YY1: variants seen among roughly 807,000 people sequenced by gnomAD.
The protein encoded by YY1 is transcriptional repressor protein YY1.
Under a neutral mutation model 35.6 loss-of-function variants are expected in YY1, and 2 were observed. That is an observed-to-expected ratio of 0.06 (90% CI 0.02 to 0.18). The LOEUF (loss-of-function observed/expected upper bound fraction) is 0.18. Ranked by LOEUF, YY1 falls within the 10% of genes least tolerant of loss-of-function variation. The pLI, the probability that YY1 is intolerant of heterozygous loss-of-function variation, is 1.00. For synonymous variants in YY1, 268 were observed against 238.9 expected (o/e 1.12, Z -1.12); for missense variants, 322 against 573.4 (o/e 0.56, Z 4.48).
intron 1 of YY1, among the ~76,000 whole-genome samples, chr14:100,248,159 A>G (rs1437761522): frequency 7.8e-6 from 1 of 128,448 alleles, no homozygotes; most frequent in Non-Finnish European, 1.5e-5. Context: ...TCTGTCACCC[A>G]GGCTGGAGTG....
rs1028033513 is a variant in YY1, at chr14:100,240,640, C to T, written c.679+717C>T. Among the ~76,000 whole-genome samples the T allele has an allele frequency of 1.1e-4, 17 of 152,354 alleles. No individual in the cohort carries two copies. In the East Asian group the frequency reaches 1.5e-3, roughly 14 times the overall value. On this transcript the variant is annotated intron_variant, in intron 1 of 4. Transcript: ENST00000262238. The stretch of plus-strand genomic sequence containing the variant: ...TGCTGCGGGGCGGGACTTGGGGCTG[C>T]ACGTAGGGCTCGCGTGTGCGGGCTC...
intron 1 of YY1, among the ~76,000 whole-genome samples, chr14:100,253,440 CAG>C (rs1388184615): frequency 2.0e-5 from 3 of 152,154 alleles, no homozygotes; most frequent in African/African-American, 7.2e-5. Context: ...TTTTTTGAGA[CAG>C]AGTCTCGCTC....
intron 2 of YY1, among the ~76,000 whole-genome samples, chr14:100,266,481 C>T (rs1399761764): frequency 6.6e-6 from 1 of 152,118 alleles, no homozygotes; most frequent in Non-Finnish European, 1.5e-5. Context: ...ACTGCTCACC[C>T]TCCTTGGAGC....
At chr14:100,252,079 AATTGT>A (rs1319870126) in intron 1 of YY1, among the ~76,000 whole-genome samples, 1 of 152,144 alleles carries the variant, frequency 6.6e-6, no homozygotes, top group Non-Finnish European at 1.5e-5. Context: ...CAAGAGGGTA[AATTGT>A]ATTGAGTACC....
Position 100,272,212 on chromosome 14 carries a change from CA to C in YY1, c.843-2485del, listed in dbSNP as rs36006862. On this transcript the variant is annotated intron_variant, in intron 2 of 4. Transcript: ENST00000262238. ...TCAGGAGGCTGAGACAGGAGAATGG[CA>C]TGAACCTGGGAGGCGGAGCTTGCAG... is the stretch of plus-strand genomic sequence containing the variant. Among the ~76,000 whole-genome samples, 10 of 151,340 alleles carry C rather than the reference CA, an allele frequency of 6.6e-5. No individual in the cohort carries two copies. The East Asian group carries it at 1.6e-3, about 24-fold the overall frequency.
At chr14:100,247,381 T>A (rs892480503) in intron 1 of YY1, among the ~76,000 whole-genome samples, 1 of 151,890 alleles carries the variant, frequency 6.6e-6, no homozygotes, top group Non-Finnish European at 1.5e-5. Flanking sequence ...TTTTCTTTTT[T>A]TCTTTTTTTT....
In YY1 at chr14:100,239,449, G is replaced by GGCCACCACCACCACCACCATC. The variant is rs1392436750; in HGVS notation, c.206_226dup (p.His75_His76insArgHisHisHisHisHisHis). 1 of 1,595,848 alleles carries GGCCACCACCACCACCACCATC rather than the reference G, an allele frequency of 6.3e-7. No individual in the cohort carries two copies. The highest frequency in any genetic ancestry group is 2.3e-5 in the East Asian group (1 of 44,022). ...CGGCGGGGGCGGCCACGGGCACGCC[G>GGCCACCACCACCACCACCATC]GCCACCACCACCACCACCATCACCA... On this transcript the variant is annotated inframe_insertion, in exon 1 of 5. Coordinates refer to ENST00000262238, the MANE Select transcript of YY1 (RefSeq NM_003403.5).
chr14:100,260,031 T>C lies in YY1; in HGVS notation c.680-2273T>C, dbSNP rs922203677. On this transcript the variant is annotated intron_variant, in intron 1 of 4. Transcript: ENST00000262238. The stretch of plus-strand genomic sequence containing the variant: ...CTACAGTCATTTAGGTTTGAGATAA[T>C]AGGAAATAAGTTGATGGCAGTGGAT... Among the ~76,000 whole-genome samples, 9 of 152,128 alleles carry C rather than the reference T, an allele frequency of 5.9e-5. 1 individual carries two copies. The highest frequency in any genetic ancestry group is 2.2e-4 in the African/African-American group (9 of 41,428).
At chr14:100,258,802 G>T (rs1026298590) in intron 1 of YY1, among the ~76,000 whole-genome samples, 1 of 152,226 alleles carries the variant, frequency 6.6e-6, no homozygotes, top group African/African-American at 2.4e-5. Flanking sequence ...ATGAAGAGTG[G>T]TGGAATTAGA....
chr14:100,275,088 C>G (rs1891300061), intron 3 of YY1, among the ~76,000 whole-genome samples: 2 of 152,090 alleles, frequency 1.3e-5, no homozygotes, highest in African/African-American at 4.8e-5. Flanking sequence ...GGAATGTAGG[C>G]TTGTAACTGA....
intron 1 of YY1, among the ~76,000 whole-genome samples, chr14:100,249,100 ATTTT>A (rs60088505): frequency 2.3e-3 from 108 of 46,784 alleles, no homozygotes; most frequent in Admixed American, 3.3e-3. Context: ...TTCTCGTGTA[ATTTT>A]TTTTTTTTTT....
At chr14:100,241,208 C>T (rs1890735313) in intron 1 of YY1, among the ~76,000 whole-genome samples, 1 of 152,158 alleles carries the variant, frequency 6.6e-6, no homozygotes, top group African/African-American at 2.4e-5. Context: ...AATCTAATGC[C>T]TGTGATGATT....
chr14:100,276,289 G>T lies in YY1; in HGVS notation c.904-201G>T, dbSNP rs1595334402. Reference sequence around the variant, plus strand: ...CAGTTTCCTCATCTGTAAAACTAGGGTTTGCATTGAATGATGACTTTTTCA... The same window carrying T: ...CAGTTTCCTCATCTGTAAAACTAGGTTTTGCATTGAATGATGACTTTTTCA... On this transcript the variant is annotated intron_variant, in intron 3 of 4. Coordinates refer to ENST00000262238, the MANE Select transcript of YY1 (RefSeq NM_003403.5). This position sits in a 1 kb window ranked among gnomAD's most constrained non-coding sequence, Gnocchi z 4.1. 1 of 675,838 alleles carries T rather than the reference G, an allele frequency of 1.5e-6. No individual in the cohort carries two copies. Among genetic ancestry groups the T allele is most frequent in the African/African-American group, 1.8e-5 (1 of 55,212 alleles). 41.9% of individuals were successfully genotyped at this position (675,838 alleles called of 1,614,324 possible).
chr14:100,271,616 T>A (rs1226687760), intron 2 of YY1, among the ~76,000 whole-genome samples: 1 of 152,212 alleles, frequency 6.6e-6, no homozygotes, highest in African/African-American at 2.4e-5. Flanking sequence ...AATACGAAAT[T>A]TGAAATTCAT....
chr14:100,276,445 A>C lies in YY1; in HGVS notation c.904-45A>C. On this transcript the variant is annotated intron_variant, in intron 3 of 4. Transcript: ENST00000262238. The surrounding 1 kb of genome is among the most constrained non-coding windows in gnomAD (Gnocchi z 4.1). ...GCTGTTAAATGGTTGAATCCTTTCT[A>C]ACAGTTTGCAATGTGAACTTCTAAG... The C allele has an allele frequency of 1.2e-6, 2 of 1,614,020 alleles. No individual in the cohort carries two copies. Among genetic ancestry groups the C allele is most frequent in the Non-Finnish European group, 1.7e-6 (2 of 1,179,902 alleles).
At chr14:100,260,458 C>T (rs1370209036) in intron 1 of YY1, among the ~76,000 whole-genome samples, 2 of 133,126 alleles carry the variant, frequency 1.5e-5, no homozygotes, top group East Asian at 4.3e-4. Context: ...CACACACACA[C>T]ACATATATGT....
At position 100,277,093 on chromosome 14, in the gene YY1, T is replaced by C. The variant is rs1020974274; in HGVS notation, c.1063-325T>C. ...AGCTAGTAAATCTAACGTGGTTCTT[T>C]TTTGACAACTGACACCAGAACCCTT... On this transcript the variant is annotated intron_variant, in intron 4 of 4. Coordinates refer to ENST00000262238, the MANE Select transcript of YY1 (RefSeq NM_003403.5). This position sits in a 1 kb window ranked among gnomAD's most constrained non-coding sequence, Gnocchi z 5.6. 1.5e-4 allele frequency: 67 copies of C among 459,372 alleles called. No homozygotes were observed. Among genetic ancestry groups the C allele is most frequent in the South Asian group, 5.1e-4 (21 of 41,302 alleles). 28.5% of individuals were successfully genotyped at this position (459,372 alleles called of 1,614,324 possible).
intron 1 of YY1, among the ~76,000 whole-genome samples, chr14:100,241,817 T>C (rs992028204): frequency 6.6e-6 from 1 of 151,930 alleles, no homozygotes; most frequent in Non-Finnish European, 1.5e-5. Context: ...CTACTAAAAA[T>C]ATAAAAATTA....
chr14:100,269,335 C>G (rs540405500), intron 2 of YY1, among the ~76,000 whole-genome samples: 2 of 151,822 alleles, frequency 1.3e-5, no homozygotes, highest in South Asian at 2.1e-4. Context: ...AAACCGAGGC[C>G]GAGAAGTTAC....
Sources: gnomAD v4.1 joint callset for allele counts (sites outside exome capture counted in the v4.1 genomes callset) on GRCh38, gnomAD v4.1.1 for gene constraint, Gnocchi (gnomAD v3.1) non-coding constraint, MANE v1.5 for transcripts, NCBI Gene and HGNC (gene_info 2026-07-23, HGNC 2026-07-21) for gene names.